The following KNDC1 variants were observed in gnomAD, a reference collection of about 807,000 sequenced individuals.
The protein encoded by KNDC1 is kinase non-catalytic C-lobe domain-containing protein 1.
A neutral mutation model predicts 172.8 loss-of-function variants in KNDC1; 106 were observed. The ratio of observed to expected loss-of-function variants is 0.61; its 90% CI spans 0.52 to 0.72. The LOEUF (loss-of-function observed/expected upper bound fraction) is 0.72, where lower values mean the gene tolerates loss of function less well. Among genes scored for constraint, KNDC1 ranks in the 30% least tolerant of loss-of-function variants. The pLI is 0.00. For synonymous variants in KNDC1, 1,083 were observed against 1,062.2 expected (o/e 1.02, Z -0.38); for missense variants, 2,325 against 2,394.5 (o/e 0.97, Z 0.61).
chr10:133,209,301 T>C lies in KNDC1; in HGVS notation c.3795-1310T>C, dbSNP rs1347959133. On this transcript the variant is annotated intron_variant, in intron 20 of 29. Coordinates refer to ENST00000304613, the MANE Select transcript of KNDC1 (RefSeq NM_152643.8). The surrounding 1 kb of genome is among the most constrained non-coding windows in gnomAD (Gnocchi z 4.9). ...GGTGTGTGGAGTATAGTGTGTGTGGTGTGGGGTACAGTGTGTGTGTGCACG... is the reference window on the plus strand; with the variant it reads ...GGTGTGTGGAGTATAGTGTGTGTGGCGTGGGGTACAGTGTGTGTGTGCACG... Among the ~76,000 whole-genome samples the C allele has an allele frequency of 6.7e-6, 1 of 148,464 alleles. No homozygotes were observed. Among genetic ancestry groups the C allele is most frequent in the Admixed American group, 6.7e-5 (1 of 14,874 alleles).
chr10:133,168,183 T>C, intron 2 of KNDC1, 71 bp from the exon 3 acceptor site: 1 of 1,422,550 alleles, frequency 7.0e-7, no homozygotes, highest in Non-Finnish European at 9.9e-7. Flanking sequence ...CTCCAGGCCC[T>C]TCTCAGCTGG....
chr10:133,188,706 TCCACCCCCCACCGCCGTC>T (rs1212877317), intron 7 of KNDC1, 53 bp downstream of exon 7: 2 of 690,566 alleles, frequency 2.9e-6, no homozygotes, highest in Non-Finnish European at 4.0e-6. Context: ...CCACTGCTGT[TCCACCCCCCACCGCCGTC>T]CCACACCCCC....
At chr10:133,204,959 G>T (rs1467261571) in intron 17 of KNDC1, among the ~76,000 whole-genome samples, 1 of 137,988 alleles carries the variant, frequency 7.2e-6, no homozygotes, top group East Asian at 2.2e-4. Flanking sequence ...GCTGCTCAAG[G>T]CCCAGCTCCC....
chr10:133,202,501 C>T, intron 17 of KNDC1: 1 of 415,142 alleles, frequency 2.4e-6, no homozygotes, highest in Non-Finnish European at 4.8e-6. Flanking sequence ...ACAGCCCCGA[C>T]CTGGGCTGCA....
At chr10:133,187,301 C>G (rs1853947992) in intron 6 of KNDC1, among the ~76,000 whole-genome samples, 1 of 152,246 alleles carries the variant, frequency 6.6e-6, no homozygotes, top group Non-Finnish European at 1.5e-5. Context: ...GCTGTTGGAG[C>G]CAGTGTTCTG....
At position 133,200,444 on chromosome 10, in the gene KNDC1, G is replaced by A. The variant is rs763472330; in HGVS notation, c.2973G>A (p.Pro991=). 276 of 1,587,610 alleles carry A rather than the reference G, an allele frequency of 1.7e-4. No individual in the cohort carries two copies. Among genetic ancestry groups the A allele is most frequent in the Middle Eastern group, 3.3e-4 (2 of 6,014 alleles). ...QSPRSPSSKR[P]SLHRLGKEKP... ...CCCGCTCCCCGTCCAGCAAGAGGCCGTCGCTGCACCGCCTGGGTAAGTGCT... is the reference window on the plus strand; with the variant it reads ...CCCGCTCCCCGTCCAGCAAGAGGCCATCGCTGCACCGCCTGGGTAAGTGCT... The change falls in exon 16 of 30, where the codon CCG becomes CCA. Residue 991 remains proline (P), a synonymous_variant. Transcript: ENST00000304613.
Position 133,197,239 on chromosome 10 carries a change from G to T in KNDC1, c.1812+104G>T, listed in dbSNP as rs970507805. ...GCCGCTCCCGGCAGCCCCACACCCCGGTCTCTGTTGACCACCGAGCTGTGG... is the reference window on the plus strand; with the variant it reads ...GCCGCTCCCGGCAGCCCCACACCCCTGTCTCTGTTGACCACCGAGCTGTGG... On this transcript the variant is annotated intron_variant, in intron 11 of 29. Transcript: ENST00000304613. 3 of 868,866 alleles carry T rather than the reference G, an allele frequency of 3.5e-6. No individual in the cohort carries two copies. In the East Asian group the frequency reaches 7.9e-5, roughly 23 times the overall value. 53.8% of individuals were successfully genotyped at this position (868,866 alleles called of 1,614,324 possible). A position where few individuals can be genotyped will look rare whatever the true frequency, so the allele number is the denominator to read the frequency against.
At chr10:133,216,173 G>A (rs571492915) in intron 26 of KNDC1, among the ~76,000 whole-genome samples, 194 of 152,310 alleles carry the variant, frequency 1.3e-3, no homozygotes, top group Middle Eastern at 6.8e-3. Context: ...AAAAATGCTC[G>A]GGGGTCAGTG....
chr10:133,161,626 G>C (rs574935457), intron 1 of KNDC1, among the ~76,000 whole-genome samples: 1 of 152,166 alleles, frequency 6.6e-6, no homozygotes, highest in African/African-American at 2.4e-5. Flanking sequence ...CTGTGCGGGG[G>C]TTGGCGATGC....
In KNDC1 at chr10:133,160,635, G is replaced by T. The variant is rs1274690091; in HGVS notation, c.102+66G>T. The T allele has an allele frequency of 3.7e-6, 4 of 1,084,878 alleles. No individual in the cohort carries two copies. The East Asian group carries it at 1.2e-4, about 33-fold the overall frequency. 67.2% of individuals were successfully genotyped at this position (1,084,878 alleles called of 1,614,324 possible). A position where few individuals can be genotyped will look rare whatever the true frequency, so the allele number is the denominator to read the frequency against. On this transcript the variant is annotated intron_variant, in intron 1 of 29. Transcript: ENST00000304613. ...AGGGGTCCGCGGAGAGCGCCCGGGG[G>T]GAGGACCCGGGAGGGGCTGTGAGCT...
Position 133,211,770 on chromosome 10 carries a change from A to ACCTGGAGAACCC in KNDC1, c.4150_4161dup (p.Leu1384_Pro1387dup). On this transcript the variant is annotated inframe_insertion, in exon 23 of 30. Coordinates refer to ENST00000304613, the MANE Select transcript of KNDC1 (RefSeq NM_152643.8). ...GCCGAGGGCAACCCTCGCGGCACAG[A>ACCTGGAGAACCC]CCTGGAGAACCCCAGGGAGGCCGAG... The ACCTGGAGAACCC allele has an allele frequency of 6.2e-7, 1 of 1,610,826 alleles. No homozygotes were observed. The highest frequency in any genetic ancestry group is 8.5e-7 in the Non-Finnish European group (1 of 1,179,376).
Position 133,198,937 on chromosome 10 carries a change from G to C in KNDC1, c.2429G>C (p.Gly810Ala), listed in dbSNP as rs1450786840. 7 of 1,557,668 alleles carry C rather than the reference G, an allele frequency of 4.5e-6. No homozygotes were observed. The highest frequency in any genetic ancestry group is 6.1e-6 in the Non-Finnish European group (7 of 1,156,586). ...EPIPPGVASG[G>A]LRPDALGPTT... is the part of the protein sequence containing the mutation. ...ATCCCACCTGGAGTTGCTTCCGGGG[G>C]CCTCAGGCCCGACGCCCTGGGGCCC... The change falls in exon 14 of 30, where the codon GGC becomes GCC. Residue 810 changes from glycine to alanine, a missense_variant. Coordinates refer to ENST00000304613, the MANE Select transcript of KNDC1 (RefSeq NM_152643.8).
At chr10:133,216,740 TA>T (rs1845474536) in intron 26 of KNDC1, among the ~76,000 whole-genome samples, 2 of 152,134 alleles carry the variant, frequency 1.3e-5, no homozygotes, top group Admixed American at 1.3e-4. Context: ...TAGATTTGTT[TA>T]AAAATATGGA....
chr10:133,206,336 G>T (rs1177977225), intron 17 of KNDC1, among the ~76,000 whole-genome samples: 1 of 152,282 alleles, frequency 6.6e-6, no homozygotes, highest in Non-Finnish European at 1.5e-5. Context: ...GGGCCCAGAG[G>T]TGGCACAGCC....
At chr10:133,205,835 G>A (rs1454687241) in intron 17 of KNDC1, among the ~76,000 whole-genome samples, 2 of 151,972 alleles carry the variant, frequency 1.3e-5, no homozygotes, top group African/African-American at 4.8e-5. Context: ...TCGGGCCACC[G>A]CACTCCAGCC....
At chr10:133,220,934 G>A (rs938340714) in intron 29 of KNDC1, among the ~76,000 whole-genome samples, 1 of 152,068 alleles carries the variant, frequency 6.6e-6, no homozygotes, top group South Asian at 2.1e-4. Flanking sequence ...TCAGAGGCCT[G>A]GGTACCTTGC....
chr10:133,184,404 GCA>G (rs2135974740), intron 5 of KNDC1, among the ~76,000 whole-genome samples: 1 of 103,082 alleles, frequency 9.7e-6, no homozygotes, highest in East Asian at 2.3e-4. Flanking sequence ...ACGCACACAC[GCA>G]CACACCCACT....
intron 1 of KNDC1, among the ~76,000 whole-genome samples, chr10:133,161,832 A>C (rs951275557): frequency 1.3e-4 from 20 of 152,292 alleles, no homozygotes; most frequent in African/African-American, 4.3e-4. Flanking sequence ...CTCTTCCCAC[A>C]GCTCCTTCGT....
At chr10:133,197,838 G>A in intron 12 of KNDC1, 70 bp downstream of exon 12, 1 of 1,199,656 alleles carries the variant, frequency 8.3e-7, no homozygotes, top group Non-Finnish European at 1.2e-6. Context: ...CCCCACCTCT[G>A]CATGGACAGA....
Sources: allele counts gnomAD v4.1 joint callset (sites outside exome capture counted in the v4.1 genomes callset), GRCh38; gene constraint gnomAD v4.1.1; non-coding constraint Gnocchi (gnomAD v3.1); transcripts MANE v1.5; gene names NCBI Gene and HGNC (gene_info 2026-07-23, HGNC 2026-07-21).